The following CLDN2 variants were observed in gnomAD, a reference collection of about 807,000 sequenced individuals.
The protein encoded by CLDN2 is claudin 2.
CLDN2 carries 1 observed loss-of-function variant against 8.2 expected under a neutral mutation model. The ratio of observed to expected loss-of-function variants is 0.12; its 90% CI spans 0.04 to 0.58. CLDN2 has a LOEUF of 0.58. CLDN2 is among the 20% of genes least tolerant of loss of function. The pLI, the probability that CLDN2 is intolerant of heterozygous loss-of-function variation, is 0.90. For missense variants in CLDN2, 108 were observed against 172.9 expected (o/e 0.62, Z 2.11); for synonymous variants, 70 against 70.2 (o/e 1.00, Z 0.01).
chrX:106,907,810 G>A lies in CLDN2; in HGVS notation c.-179+7306G>A, dbSNP rs765880155. On this transcript the variant is annotated intron_variant, in intron 1 of 1. Transcript: ENST00000541806. The stretch of plus-strand genomic sequence containing the variant: ...ACTTTTTGGTAGTAAAATGTTCTTT[G>A]AAATTATGGCAATGATGGAAGTTAC... Among the ~76,000 whole-genome samples, 3 of 110,597 alleles carry A rather than the reference G, an allele frequency of 2.7e-5. No individual in the cohort carries two copies. In the South Asian group the frequency reaches 1.1e-3, roughly 42 times the overall value.
At chrX:106,925,456 G>T (rs1467676023) in intron 1 of CLDN2, among the ~76,000 whole-genome samples, 1 of 112,372 alleles carries the variant, frequency 8.9e-6, no homozygotes, top group Non-Finnish European at 1.9e-5. Context: ...TGGCATGATT[G>T]AAGAACTGGA....
upstream of CLDN2, among the ~76,000 whole-genome samples, chrX:106,915,352 C>T (rs973990844): frequency 9.8e-5 from 11 of 112,175 alleles, no homozygotes; most frequent in South Asian, 1.5e-3. Context: ...CTTCCCAGAG[C>T]TCTCCTCAAT....
upstream of CLDN2, among the ~76,000 whole-genome samples, chrX:106,915,478 C>T (rs1750645608): frequency 8.9e-6 from 1 of 112,389 alleles, no homozygotes; most frequent in Non-Finnish European, 1.9e-5. Context: ...ACTACCACCT[C>T]TTATTTTACA....
intron 1 of CLDN2, among the ~76,000 whole-genome samples, chrX:106,923,439 A>G (rs1288104594): frequency 8.9e-6 from 1 of 112,545 alleles, no homozygotes; most frequent in South Asian, 3.7e-4. Context: ...ATTTTCAAAT[A>G]GACAAGAAAC....
Position 106,928,336 on chromosome X carries a change from C to T in CLDN2, c.108C>T (p.Val36=), listed in dbSNP as rs760367001. 2.6e-5 allele frequency: 32 copies of T among 1,210,184 alleles called. No homozygotes were observed. In the Admixed American group the frequency reaches 5.2e-4, roughly 20 times the overall value. The change falls in exon 2 of 2, where the codon GTC becomes GTT. Residue 36 remains valine, a synonymous_variant. Coordinates refer to ENST00000336803, the MANE Select transcript of CLDN2 (RefSeq NM_020384.4). ...CCAGCTGGAAAACAAGTTCTTATGT[C>T]GGTGCCAGCATTGTGACAGCAGTTG... ...LLPSWKTSSY[V]GASIVTAVGF... is the part of the protein sequence containing the mutation.
chrX:106,906,425 C>T (rs1047069564), intron 1 of CLDN2, among the ~76,000 whole-genome samples: 3 of 111,429 alleles, frequency 2.7e-5, no homozygotes, highest in African/African-American at 9.8e-5. Context: ...CTCAGTCATC[C>T]TTGAGCATGT....
At position 106,929,028 on chromosome X, in the gene CLDN2, G is replaced by A. The variant is rs1602463748; in HGVS notation, c.*107G>A. On this transcript the variant is annotated 3_prime_UTR_variant, in exon 2 of 2. Coordinates refer to ENST00000336803, the MANE Select transcript of CLDN2 (RefSeq NM_020384.4). Reference sequence around the variant, plus strand: ...CTACCACTGGATCGTGTCAGAAGGTGCTGCTGAGGATAGACTGACTTTGGC... The same window carrying A: ...CTACCACTGGATCGTGTCAGAAGGTACTGCTGAGGATAGACTGACTTTGGC... The A allele has an allele frequency of 5.9e-6, 4 of 681,373 alleles. No homozygotes were observed. Among genetic ancestry groups the A allele is most frequent in the Non-Finnish European group, 8.9e-6 (4 of 448,420 alleles). 56.2% of individuals were successfully genotyped at this position (681,373 alleles called of 1,213,427 possible). A position where few individuals can be genotyped will look rare whatever the true frequency, so the allele number is the denominator to read the frequency against.
chrX:106,922,573 A>C (rs774493520), intron 1 of CLDN2, among the ~76,000 whole-genome samples: 7 of 112,339 alleles, frequency 6.2e-5, no homozygotes, highest in African/African-American at 2.3e-4. Flanking sequence ...GAAAACCTCA[A>C]GGTATCTCAC....
At chrX:106,908,228 T>A (rs2147788075) in intron 1 of CLDN2, among the ~76,000 whole-genome samples, 1 of 112,121 alleles carries the variant, frequency 8.9e-6, no homozygotes, top group African/African-American at 3.2e-5. Flanking sequence ...GTCTGTGAGG[T>A]AGCCTTTCCA....
intron 1 of CLDN2, among the ~76,000 whole-genome samples, chrX:106,912,121 G>A (rs1222339182): frequency 9.0e-6 from 1 of 110,733 alleles, no homozygotes; most frequent in East Asian, 2.9e-4. Context: ...CTCCTCTACT[G>A]ACAGGACATT....
chrX:106,919,911 A>G (rs762830328), upstream of CLDN2, among the ~76,000 whole-genome samples: 2 of 112,531 alleles, frequency 1.8e-5, no homozygotes, highest in South Asian at 3.7e-4. Context: ...TTGAACTCAG[A>G]GTCTGAACCT....
chrX:106,900,785 C>CTCT (rs754067343), intron 1 of CLDN2: 1 of 1,211,154 alleles, frequency 8.3e-7, no homozygotes, highest in East Asian at 3.0e-5. Flanking sequence ...CTTCATCTTC[C>CTCT]TCTTCTTCTT....
upstream of CLDN2, chrX:106,918,489 GGAA>G (rs1933345078): frequency 8.9e-6 from 1 of 112,452 alleles, no homozygotes; most frequent in South Asian, 3.7e-4. Flanking sequence ...GGCCGCCTTG[GGAA>G]GGAGGATGAT....
intron 1 of CLDN2, among the ~76,000 whole-genome samples, chrX:106,927,399 ATGGGAGCAT>A (rs1933484406): frequency 9.0e-6 from 1 of 110,816 alleles, no homozygotes; most frequent in Non-Finnish European, 1.9e-5. Flanking sequence ...GAGGCTGATG[ATGGGAGCAT>A]CTATTAGGAG....
chrX:106,905,252 G>A lies in CLDN2; in HGVS notation c.-179+4748G>A, dbSNP rs781298074. ...TCAATCAAAGGAAAACTTTCTAACA[G>A]CTCAGTCACCACCTAACCCAAGGGC... On this transcript the variant is annotated intron_variant, in intron 1 of 1. Transcript: ENST00000541806. Among the ~76,000 whole-genome samples, 3 of 112,059 alleles carry A rather than the reference G, an allele frequency of 2.7e-5. No individual in the cohort carries two copies. In the South Asian group the frequency reaches 1.1e-3, roughly 42 times the overall value.
At chrX:106,925,048 C>T (rs1933448148) in intron 1 of CLDN2, among the ~76,000 whole-genome samples, 2 of 111,167 alleles carry the variant, frequency 1.8e-5, no homozygotes, top group Non-Finnish European at 3.8e-5. Flanking sequence ...CCTCAAGTAG[C>T]TCACAGGCTA....
At chrX:106,910,464 T>TGGAAG (rs1933235130) in intron 1 of CLDN2, among the ~76,000 whole-genome samples, 4 of 108,791 alleles carry the variant, frequency 3.7e-5, no homozygotes, top group African/African-American at 1.3e-4. Flanking sequence ...GCACTTTGGG[T>TGGAAG]GATCTGCCCG....
chrX:106,913,948 C>CTTTTT (rs35925693), upstream of CLDN2, among the ~76,000 whole-genome samples: 3 of 77,534 alleles, frequency 3.9e-5, no homozygotes, highest in Non-Finnish European at 4.6e-5. Context: ...CACTAGAAAA[C>CTTTTT]TTTTTTTTTT....
At chrX:106,910,347 T>C (rs1232067345) in intron 1 of CLDN2, among the ~76,000 whole-genome samples, 1 of 111,327 alleles carries the variant, frequency 9.0e-6, no homozygotes, top group Non-Finnish European at 1.9e-5. Flanking sequence ...AGTGCTTTAT[T>C]GTTTTATTAT....
Sources: allele counts gnomAD v4.1 joint callset (sites outside exome capture counted in the v4.1 genomes callset), GRCh38; gene constraint gnomAD v4.1.1; transcripts MANE v1.5; gene names NCBI Gene and HGNC (gene_info 2026-07-23, HGNC 2026-07-21).